FOXP2: variants seen among roughly 807,000 people sequenced by gnomAD.
The protein encoded by FOXP2 is forkhead box protein P2.
Under a neutral mutation model 115.8 loss-of-function variants are expected in FOXP2, and 12 were observed. That is an observed-to-expected ratio of 0.10 (90% CI 0.07 to 0.17). The LOEUF is 0.17. Among genes scored for constraint, FOXP2 ranks in the 10% least tolerant of loss-of-function variants. The pLI, the probability that FOXP2 is intolerant of heterozygous loss-of-function variation, is 1.00. For missense variants in FOXP2, 629 were observed against 843.5 expected (o/e 0.75, Z 3.15); for synonymous variants, 328 against 297.7 (o/e 1.10, Z -1.05).
chr7:114,467,592 A>C (rs1795861881), intron 2 of FOXP2, among the ~76,000 whole-genome samples: 1 of 152,134 alleles, frequency 6.6e-6, no homozygotes, highest in African/African-American at 2.4e-5. Flanking sequence ...CTTACTTCTT[A>C]CTGCCTTCCC....
At chr7:114,459,800 G>C (rs894841417) in intron 2 of FOXP2, among the ~76,000 whole-genome samples, 2 of 152,146 alleles carry the variant, frequency 1.3e-5, no homozygotes, top group African/African-American at 4.8e-5. Flanking sequence ...ATTATTAGGA[G>C]AGACAGGGAT....
At chr7:114,234,943 T>C (rs1271692706) in intron 1 of FOXP2, among the ~76,000 whole-genome samples, 1 of 152,200 alleles carries the variant, frequency 6.6e-6, no homozygotes, top group Non-Finnish European at 1.5e-5. Context: ...TGGGAAGCTA[T>C]CCATAATCTT....
intron 3 of FOXP2, among the ~76,000 whole-genome samples, chr7:114,626,491 C>A (rs539209432): frequency 6.6e-6 from 1 of 151,648 alleles, no homozygotes; most frequent in South Asian, 2.1e-4. Flanking sequence ...AAGAAAAGTG[C>A]GACAAGCTTC....
intron 3 of FOXP2, among the ~76,000 whole-genome samples, chr7:114,611,361 A>G (rs910490577): frequency 7.9e-5 from 12 of 152,058 alleles, no homozygotes; most frequent in African/African-American, 2.7e-4. Context: ...TTATAATTTT[A>G]TTGCCCTCAG....
intron 1 of FOXP2, among the ~76,000 whole-genome samples, chr7:114,164,432 C>G (rs747991708): frequency 2.0e-5 from 3 of 151,732 alleles, no homozygotes; most frequent in East Asian, 1.9e-4. Flanking sequence ...GCAACCTCCC[C>G]CTCCTGGATT....
rs570939292 is a variant in FOXP2 at position 114,604,451 on chromosome 7, A to G, written c.259-24089A>G. ...AGTCTCTCATATGTTATGTCAATCT[A>G]TGGTTGTTTTGGATGGAGGGACAGG... On this transcript the variant is annotated intron_variant, in intron 3 of 16. Transcript: ENST00000350908. Among the ~76,000 whole-genome samples the G allele has an allele frequency of 9.2e-5, 14 of 152,280 alleles. No homozygotes were observed. In the South Asian group the frequency reaches 2.9e-3, roughly 32 times the overall value.
At chr7:114,142,766 T>C (rs1018991966) in intron 1 of FOXP2, among the ~76,000 whole-genome samples, 4 of 152,056 alleles carry the variant, frequency 2.6e-5, no homozygotes, top group African/African-American at 9.7e-5. Context: ...GCTGAAGTAT[T>C]AGGCAGATAA....
chr7:114,247,009 T>A (rs748201346), intron 1 of FOXP2, among the ~76,000 whole-genome samples: 96 of 152,218 alleles, frequency 6.3e-4, no homozygotes, highest in Non-Finnish European at 1.6e-4. Flanking sequence ...TGCCTTTATG[T>A]TGAAAAGGAA....
At chr7:114,167,449 G>T (rs1383861573) in intron 1 of FOXP2, among the ~76,000 whole-genome samples, 1 of 152,138 alleles carries the variant, frequency 6.6e-6, no homozygotes, top group Non-Finnish European at 1.5e-5. Context: ...TGGCAACCCT[G>T]AGTTGAGCAA....
intron 1 of FOXP2, among the ~76,000 whole-genome samples, chr7:114,144,236 G>A (rs1420230452): frequency 6.6e-6 from 1 of 152,104 alleles, no homozygotes; most frequent in South Asian, 2.1e-4. Context: ...AGGTCAAGGA[G>A]TATCTGTATT....
At chr7:114,136,354 A>C (rs553422160) in intron 1 of FOXP2, among the ~76,000 whole-genome samples, 4 of 152,132 alleles carry the variant, frequency 2.6e-5, no homozygotes, top group African/African-American at 9.6e-5. Context: ...TGCCAGCTTC[A>C]ATTAACTTTA....
chr7:114,205,871 G>C (rs969868169), intron 1 of FOXP2, among the ~76,000 whole-genome samples: 1 of 152,142 alleles, frequency 6.6e-6, no homozygotes, highest in Non-Finnish European at 1.5e-5. Context: ...TAGCTGGAAA[G>C]ATAAGTCCTT....
intron 2 of FOXP2, among the ~76,000 whole-genome samples, chr7:114,401,709 T>C (rs965059929): frequency 1.3e-5 from 2 of 152,188 alleles, no homozygotes; most frequent in African/African-American, 2.4e-5. Context: ...AGACACAACA[T>C]TGTGAACTTC....
intron 1 of FOXP2, among the ~76,000 whole-genome samples, chr7:114,094,727 T>G (rs1272118228): frequency 6.6e-6 from 1 of 152,180 alleles, no homozygotes; most frequent in African/African-American, 2.4e-5. Context: ...AGTGCTGTGA[T>G]CACAGCTCAT....
At chr7:114,184,255 T>TA (rs1282094450) in intron 1 of FOXP2, among the ~76,000 whole-genome samples, 1 of 152,156 alleles carries the variant, frequency 6.6e-6, no homozygotes, top group Non-Finnish European at 1.5e-5. Flanking sequence ...AGCAACCTCC[T>TA]AAGGCATTTA....
intron 1 of FOXP2, among the ~76,000 whole-genome samples, chr7:114,201,824 A>G (rs940831463): frequency 2.0e-5 from 3 of 152,224 alleles, no homozygotes; most frequent in African/African-American, 4.8e-5. Flanking sequence ...AAGCAGGAGT[A>G]TGAAATGGCG....
chr7:114,629,242 C>T (rs1173124128), intron 4 of FOXP2, among the ~76,000 whole-genome samples: 1 of 151,894 alleles, frequency 6.6e-6, no homozygotes, highest in African/African-American at 2.4e-5. Flanking sequence ...TAATAAATAC[C>T]ATATCGGAAC....
At chr7:114,170,704 A>C (rs1562990537) in intron 1 of FOXP2, among the ~76,000 whole-genome samples, 1 of 152,232 alleles carries the variant, frequency 6.6e-6, no homozygotes, top group Non-Finnish European at 1.5e-5. Flanking sequence ...AATAAAGAGC[A>C]TGGCCCTAAC....
upstream of FOXP2, among the ~76,000 whole-genome samples, chr7:114,413,459 GTGTTTAAATTT>G (rs150625613): frequency 0.019 from 2,879 of 152,036 alleles, 38 homozygotes; most frequent in Non-Finnish European, 0.03. Flanking sequence ...TGAGTTTCCT[GTGTTTAAATTT>G]TGGTTTAAAA....
Sources: gnomAD v4.1 joint callset for allele counts (sites outside exome capture counted in the v4.1 genomes callset) on GRCh38, gnomAD v4.1.1 for gene constraint, MANE v1.5 for transcripts, NCBI Gene and HGNC (gene_info 2026-07-23, HGNC 2026-07-21) for gene names.